Variants in DLGAP2 observed in about 807,000 individuals in gnomAD.
The protein encoded by DLGAP2 is DLG associated protein 2.
In DLGAP2, 26 loss-of-function variants were observed where a neutral mutation model predicts 100.3. The ratio of observed to expected loss-of-function variants is 0.26; its 90% CI spans 0.19 to 0.36. The LOEUF is 0.36. Among genes scored for constraint, DLGAP2 ranks in the 10% least tolerant of loss-of-function variants. The probability of loss-of-function intolerance (pLI) is 1.00; values close to 1 mark genes in which losing one functional copy is unlikely to be tolerated. For synonymous variants in DLGAP2, 886 were observed against 630.1 expected (o/e 1.41, Z -6.08); for missense variants, 1,858 against 1,453.2 (o/e 1.28, Z -4.53).
chr8:1,186,256 C>G (rs963509291), intron 2 of DLGAP2, among the ~76,000 whole-genome samples: 2 of 152,250 alleles, frequency 1.3e-5, no homozygotes, highest in Admixed American at 1.3e-4. Flanking sequence ...GCTGGAGTTA[C>G]TAGAGGGCCG....
At position 1,448,509 on chromosome 8, in the gene DLGAP2, A is replaced by G. The variant is rs146591891; in HGVS notation, c.107-52857A>G. On this transcript the variant is annotated intron_variant, in intron 3 of 14. Transcript: ENST00000637795. ...GCTGAGGAGAGCTTTACTTCCAACTATGTGGTCAATTTTGGAATAGGTGTG... is the reference window on the plus strand; with the variant it reads ...GCTGAGGAGAGCTTTACTTCCAACTGTGTGGTCAATTTTGGAATAGGTGTG... 1.0e-3 allele frequency among the ~76,000 whole-genome samples: 156 copies of G among 152,258 alleles called. No individual in the cohort carries two copies. In the East Asian group the frequency reaches 0.015, roughly 15 times the overall value.
intron 8 of DLGAP2, among the ~76,000 whole-genome samples, chr8:1,660,356 T>A (rs1798381491): frequency 1.3e-5 from 2 of 152,214 alleles, no homozygotes; most frequent in Admixed American, 1.3e-4. Context: ...TGCTGTATTA[T>A]TTGTAACTTA....
intron 1 of DLGAP2, among the ~76,000 whole-genome samples, chr8:805,081 T>A (rs1191360728): frequency 2.0e-5 from 3 of 152,224 alleles, no homozygotes; most frequent in Non-Finnish European, 4.4e-5. Context: ...TCTGCCTTTT[T>A]CTAAAAGCTC....
At chr8:968,332 A>G (rs1799931233) in intron 2 of DLGAP2, among the ~76,000 whole-genome samples, 1 of 152,020 alleles carries the variant, frequency 6.6e-6, no homozygotes, top group Admixed American at 6.6e-5. Context: ...AGAACCTTTC[A>G]TGGTCAGATG....
intron 2 of DLGAP2, 148 bp downstream of exon 2, chr8:908,114 G>C (rs930674396): frequency 2.5e-6 from 1 of 393,190 alleles, no homozygotes; most frequent in Non-Finnish European, 4.5e-6. Context: ...CTAACTGTAA[G>C]ACCTGAAAGT....
intron 4 of DLGAP2, among the ~76,000 whole-genome samples, chr8:1,526,711 C>A (rs1800806391): frequency 6.6e-6 from 1 of 152,172 alleles, no homozygotes; most frequent in Non-Finnish European, 1.5e-5. Flanking sequence ...TGCCAGGTAT[C>A]CAGCCACTAA....
chr8:976,283 T>C (rs1489253017), intron 2 of DLGAP2, among the ~76,000 whole-genome samples: 1 of 152,058 alleles, frequency 6.6e-6, no homozygotes, highest in Non-Finnish European at 1.5e-5. Flanking sequence ...GGTCAAAAAA[T>C]CGGCCAATAG....
intron 1 of DLGAP2, among the ~76,000 whole-genome samples, chr8:803,973 A>G (rs1796219104): frequency 6.6e-6 from 1 of 152,196 alleles, no homozygotes; most frequent in African/African-American, 2.4e-5. Context: ...TGTAGCTCCA[A>G]TGTGAATTTT....
At chr8:1,305,610 A>C (rs1418711628) in intron 3 of DLGAP2, among the ~76,000 whole-genome samples, 1 of 152,216 alleles carries the variant, frequency 6.6e-6, no homozygotes, top group South Asian at 2.1e-4. Context: ...GAAACACTGC[A>C]GTCCTCCGGC....
At chr8:1,022,007 G>A (rs1268687953) in intron 2 of DLGAP2, among the ~76,000 whole-genome samples, 2 of 152,138 alleles carry the variant, frequency 1.3e-5, no homozygotes, top group Non-Finnish European at 2.9e-5. Flanking sequence ...AAGCATCATG[G>A]ACAAAGCCAC....
At chr8:1,602,797 G>C (rs2130707360) in intron 6 of DLGAP2, among the ~76,000 whole-genome samples, 1 of 152,372 alleles carries the variant, frequency 6.6e-6, no homozygotes, top group African/African-American at 2.4e-5. Context: ...ATGGCAGGCA[G>C]TGACAGCTCT....
chr8:1,474,480 G>T (rs970636424), intron 3 of DLGAP2, among the ~76,000 whole-genome samples: 2 of 152,094 alleles, frequency 1.3e-5, no homozygotes, highest in Admixed American at 6.5e-5. Flanking sequence ...GGTTGTACTG[G>T]TTTACATTCC....
At chr8:1,033,831 C>T (rs1181119885) in intron 2 of DLGAP2, among the ~76,000 whole-genome samples, 3 of 145,208 alleles carry the variant, frequency 2.1e-5, no homozygotes, top group East Asian at 2.1e-4. Flanking sequence ...TTCACACGCT[C>T]ATCCCGGCCC....
At chr8:925,961 A>T (rs1009580969) in intron 2 of DLGAP2, among the ~76,000 whole-genome samples, 1 of 152,126 alleles carries the variant, frequency 6.6e-6, no homozygotes, top group Non-Finnish European at 1.5e-5. Context: ...CGGATATGTC[A>T]TGGAGAATGA....
intron 2 of DLGAP2, among the ~76,000 whole-genome samples, chr8:1,230,711 A>G (rs954934617): frequency 5.3e-5 from 8 of 152,212 alleles, no homozygotes; most frequent in African/African-American, 7.2e-5. Context: ...CCATACAGCT[A>G]AAGTCATCTA....
chr8:1,183,003 A>ACC (rs1797423874), intron 2 of DLGAP2, among the ~76,000 whole-genome samples: 3 of 152,180 alleles, frequency 2.0e-5, no homozygotes, highest in Admixed American at 2.0e-4. Context: ...CAGTTCCTGG[A>ACC]AGTGTGTCAC....
intron 2 of DLGAP2, among the ~76,000 whole-genome samples, chr8:1,217,121 C>G (rs1171377436): frequency 6.6e-6 from 1 of 152,142 alleles, no homozygotes; most frequent in Non-Finnish European, 1.5e-5. Flanking sequence ...ACCCTTCACC[C>G]TCAAATAGAC....
chr8:1,617,774 T>C (rs188061169), intron 6 of DLGAP2, among the ~76,000 whole-genome samples: 1 of 152,356 alleles, frequency 6.6e-6, no homozygotes, highest in African/African-American at 2.4e-5. Flanking sequence ...CACTCAAATA[T>C]TAACGCTATG....
At chr8:1,055,429 GTTCC>G (rs1802850716) in intron 2 of DLGAP2, among the ~76,000 whole-genome samples, 1 of 152,126 alleles carries the variant, frequency 6.6e-6, no homozygotes, top group African/African-American at 2.4e-5. Context: ...AGATATCTAG[GTTCC>G]TTACCTATGA....
Sources: gnomAD v4.1 joint callset for allele counts (sites outside exome capture counted in the v4.1 genomes callset) on GRCh38, gnomAD v4.1.1 for gene constraint, MANE v1.5 for transcripts, NCBI Gene and HGNC (gene_info 2026-07-23, HGNC 2026-07-21) for gene names.